ADAP2: variants seen among roughly 807,000 people sequenced by gnomAD.
The protein encoded by ADAP2 is arf-GAP with dual PH domain-containing protein 2.
In ADAP2, 42 loss-of-function variants were observed where a neutral mutation model predicts 54.9. The ratio of observed to expected loss-of-function variants is 0.77; its 90% CI spans 0.60 to 0.99. ADAP2 has a LOEUF of 0.99. Among genes scored for constraint, ADAP2 ranks in the 50% least tolerant of loss-of-function variants. ADAP2 has a pLI of 0.00. For missense variants in ADAP2, 429 were observed against 480.4 expected (o/e 0.89, Z 1.00); for synonymous variants, 177 against 180.1 (o/e 0.98, Z 0.14).
At chr17:30,936,041 C>G (rs568298786) in intron 5 of ADAP2, among the ~76,000 whole-genome samples, 1 of 152,224 alleles carries the variant, frequency 6.6e-6, no homozygotes, top group Admixed American at 6.5e-5. Flanking sequence ...ACACCTTATC[C>G]CTTAGCTGTA....
chr17:30,945,114 A>C, intron 6 of ADAP2, 61 bp downstream of exon 6: 4 of 1,578,480 alleles, frequency 2.5e-6, no homozygotes, highest in Non-Finnish European at 3.5e-6. Flanking sequence ...TGGCAGGTGC[A>C]GCTCACCACC....
chr17:30,959,181 G>C lies in ADAP2; in HGVS notation c.*1312G>C, dbSNP rs762399658. ...GGATGAGGAAATTAATAAAGGTACA[G>C]TCTTGCCTTCAAGGAACTTATGGTC... On this transcript the variant is annotated 3_prime_UTR_variant, in exon 11 of 11. Transcript: ENST00000330889. 14 of 152,182 alleles carry C rather than the reference G, an allele frequency of 9.2e-5. No homozygotes were observed. The highest frequency in any genetic ancestry group is 1.5e-4 in the Non-Finnish European group (10 of 68,044). 9.4% of individuals were successfully genotyped at this position (152,182 alleles called of 1,614,324 possible).
chr17:30,954,650 T>TCCCAGAGC (rs1904926630), intron 9 of ADAP2, 95 bp downstream of exon 9: 1 of 1,066,322 alleles, frequency 9.4e-7, no homozygotes, highest in Non-Finnish European at 1.4e-6. Context: ...TAAACACATC[T>TCCCAGAGC]CCCAGAGCCC....
At chr17:30,952,285 T>C (rs1272724507) in intron 7 of ADAP2, among the ~76,000 whole-genome samples, 1 of 152,216 alleles carries the variant, frequency 6.6e-6, no homozygotes, top group Non-Finnish European at 1.5e-5. Context: ...GTAATGCAGC[T>C]GATGGAGGCC....
chr17:30,936,621 T>C (rs1397709152), intron 5 of ADAP2, among the ~76,000 whole-genome samples: 1 of 136 alleles, frequency 7.4e-3, no homozygotes, highest in Non-Finnish European at 0.012. Context: ...TCTATTCAGA[T>C]CCTTTCCCAT....
rs200600912 is a variant in ADAP2 at position 30,944,866 on chromosome 17, T to G, written c.511-41T>G. 71 of 1,604,508 alleles carry G rather than the reference T, an allele frequency of 4.4e-5. No individual in the cohort carries two copies. In the East Asian group the frequency reaches 7.6e-4, roughly 17 times the overall value. On this transcript the variant is annotated intron_variant, in intron 5 of 10. Transcript: ENST00000330889. ...GGTGAAGGTTGACCAGAAGTCACCC[T>G]GTGGACTGTCAGCGTCTTTCTTTCT...
intron 6 of ADAP2, among the ~76,000 whole-genome samples, chr17:30,945,980 C>T (rs1358101391): frequency 2.6e-5 from 4 of 151,282 alleles, no homozygotes; most frequent in Non-Finnish European, 5.9e-5. Flanking sequence ...GGTGAAACCC[C>T]GTCTCTACTA....
At chr17:30,927,554 G>T (rs1259962242) in intron 3 of ADAP2, among the ~76,000 whole-genome samples, 1 of 151,446 alleles carries the variant, frequency 6.6e-6, no homozygotes, top group Non-Finnish European at 1.5e-5. Context: ...GGCAGAGCTT[G>T]CAGTGAGCCA....
chr17:30,947,514 C>T (rs1043281041), intron 6 of ADAP2, among the ~76,000 whole-genome samples: 4 of 152,150 alleles, frequency 2.6e-5, no homozygotes, highest in Admixed American at 6.6e-5. Context: ...CCACCATACC[C>T]GGCTAATTTT....
At chr17:30,941,746 A>G (rs1040763068) in intron 5 of ADAP2, among the ~76,000 whole-genome samples, 1 of 152,180 alleles carries the variant, frequency 6.6e-6, no homozygotes, top group Non-Finnish European at 1.5e-5. Context: ...GCAAAACTGT[A>G]CTGATAGAAG....
intron 6 of ADAP2, 38 bp downstream of exon 6, chr17:30,945,091 G>T: frequency 6.2e-7 from 1 of 1,607,288 alleles, no homozygotes; most frequent in Non-Finnish European, 8.5e-7. Flanking sequence ...CCTCCAGCTC[G>T]CACCCCAGGA....
At chr17:30,932,659 C>T (rs80237437) in intron 4 of ADAP2, among the ~76,000 whole-genome samples, 1 of 151,500 alleles carries the variant, frequency 6.6e-6, no homozygotes, top group East Asian at 1.9e-4. Flanking sequence ...CTCAGTGCAG[C>T]CTCTGCCTCC....
chr17:30,931,079 A>G (rs1010606951), intron 3 of ADAP2, among the ~76,000 whole-genome samples: 1 of 152,146 alleles, frequency 6.6e-6, no homozygotes, highest in African/African-American at 2.4e-5. Flanking sequence ...TGCTTTGTCC[A>G]GTGTAGCCTG....
intron 7 of ADAP2, among the ~76,000 whole-genome samples, chr17:30,952,080 G>A (rs1283622370): frequency 1.3e-5 from 2 of 152,226 alleles, no homozygotes; most frequent in East Asian, 1.9e-4. Flanking sequence ...TCTGTTCTTT[G>A]AAGCCTGGAC....
intron 4 of ADAP2, 96 bp from the exon 5 acceptor site, chr17:30,934,089 A>G (rs985600620): frequency 1.1e-5 from 9 of 838,974 alleles, no homozygotes; most frequent in Non-Finnish European, 1.7e-5. Flanking sequence ...CAGCAGATGG[A>G]AGGCTTATTC....
chr17:30,956,409 G>A lies in ADAP2; in HGVS notation c.1051G>A (p.Glu351Lys). The change falls in exon 10 of 11, where the codon GAA (glutamate) becomes AAA (lysine). Residue 351 changes from glutamate (E) to lysine (K), a missense_variant. Physicochemically the swap from Glu to Lys is moderately conservative, Grantham distance 56. Transcript: ENST00000330889. Reference protein sequence around the residue: ...LTCPSEKEQQEWLESLRGVLS... With the variant: ...LTCPSEKEQQKWLESLRGVLS... Reference sequence around the variant, plus strand: ...TTGCCCCAGTGAGAAGGAACAGCAGGAATGGCTGGAAAGTTTGCGGGGTGT... The same window carrying A: ...TTGCCCCAGTGAGAAGGAACAGCAGAAATGGCTGGAAAGTTTGCGGGGTGT... 6.2e-7 allele frequency: 1 copy of A among 1,614,220 alleles called. No individual in the cohort carries two copies. The highest frequency in any genetic ancestry group is 8.5e-7 in the Non-Finnish European group (1 of 1,180,044).
At chr17:30,927,610 G>A (rs977875501) in intron 3 of ADAP2, among the ~76,000 whole-genome samples, 6 of 143,250 alleles carry the variant, frequency 4.2e-5, no homozygotes, top group South Asian at 2.1e-4. Flanking sequence ...GCGAGACTCC[G>A]GCTCAAAAAA....
chr17:30,949,100 CG>C (rs1446621957), intron 6 of ADAP2, among the ~76,000 whole-genome samples, 186 bp from the exon 7 acceptor site: 1 of 152,188 alleles, frequency 6.6e-6, no homozygotes, highest in Non-Finnish European at 1.5e-5. Flanking sequence ...CCTGCTTGCC[CG>C]GGTTAGCCCA....
intron 4 of ADAP2, among the ~76,000 whole-genome samples, chr17:30,932,776 G>A (rs1193892028): frequency 1.3e-5 from 2 of 149,630 alleles, no homozygotes; most frequent in African/African-American, 4.9e-5. Context: ...TACCATGTTG[G>A]CCAGGCTGGT....
Sources: gnomAD v4.1 joint callset for allele counts (sites outside exome capture counted in the v4.1 genomes callset) on GRCh38, gnomAD v4.1.1 for gene constraint, MANE v1.5 for transcripts, NCBI Gene and HGNC (gene_info 2026-07-23, HGNC 2026-07-21) for gene names.